The following LRRC4C variants were observed in gnomAD, a reference collection of about 807,000 sequenced individuals.
LRRC4C encodes the protein leucine-rich repeat-containing protein 4C.
A neutral mutation model predicts 33.6 loss-of-function variants in LRRC4C; 5 were observed. The ratio of observed to expected loss-of-function variants is 0.15; its 90% CI spans 0.08 to 0.31. The LOEUF (loss-of-function observed/expected upper bound fraction) is 0.31. LRRC4C is among the 10% of genes least tolerant of loss of function. The pLI, the probability that LRRC4C is intolerant of heterozygous loss-of-function variation, is 1.00. For synonymous variants in LRRC4C, 329 were observed against 302.0 expected (o/e 1.09, Z -0.93); for missense variants, 560 against 796.7 (o/e 0.70, Z 3.58).
At chr11:41,381,951 A>G (rs1953173944) in intron 1 of LRRC4C, among the ~76,000 whole-genome samples, 1 of 151,290 alleles carries the variant, frequency 6.6e-6, no homozygotes, top group Admixed American at 6.6e-5. Flanking sequence ...TATAATCTAT[A>G]TATATGCATA....
In LRRC4C at chr11:40,663,614, A is replaced by C. The variant is rs376826872; in HGVS notation, c.-406-15336T>G. On this transcript the variant is annotated intron_variant, in intron 2 of 6. Transcript: ENST00000528697. ...CAGGTGTGAGAAATAAAAATAATTT[A>C]GCCAGTGGGGTGAGCCAAACAGAAA... is the stretch of plus-strand genomic sequence containing the variant. 1.1e-4 allele frequency among the ~76,000 whole-genome samples: 16 copies of C among 152,328 alleles called. No homozygotes were observed. In the East Asian group the frequency reaches 1.9e-3, roughly 18 times the overall value.
intron 3 of LRRC4C, among the ~76,000 whole-genome samples, chr11:40,332,103 G>A (rs187456331): frequency 1.3e-5 from 2 of 152,304 alleles, no homozygotes; most frequent in East Asian, 1.9e-4. Context: ...CACTTTAGCA[G>A]TATATTAGTT....
At chr11:40,667,842 T>C (rs746284287) in intron 2 of LRRC4C, among the ~76,000 whole-genome samples, 10 of 152,202 alleles carry the variant, frequency 6.6e-5, no homozygotes, top group African/African-American at 1.9e-4. Context: ...GGTATCTCTG[T>C]GCAGAGGGAC....
At chr11:40,235,596 C>T (rs149755860) in intron 5 of LRRC4C, among the ~76,000 whole-genome samples, 31 of 152,198 alleles carry the variant, frequency 2.0e-4, no homozygotes, top group Admixed American at 1.0e-3. Flanking sequence ...AGGCATATTC[C>T]AGTTATAAAT....
At chr11:40,451,622 T>C (rs1323914062) in intron 3 of LRRC4C, among the ~76,000 whole-genome samples, 6 of 151,874 alleles carry the variant, frequency 4.0e-5, no homozygotes, top group African/African-American at 1.5e-4. Flanking sequence ...CCTGACCTCA[T>C]GGTCCACCCG....
intron 1 of LRRC4C, among the ~76,000 whole-genome samples, chr11:41,184,714 C>T (rs559023639): frequency 4.0e-4 from 61 of 150,974 alleles, no homozygotes; most frequent in African/African-American, 1.3e-3. Context: ...TCCACATTTT[C>T]GGGTATCTTT....
intron 1 of LRRC4C, among the ~76,000 whole-genome samples, chr11:41,195,753 A>C (rs1946152037): frequency 6.6e-6 from 1 of 152,124 alleles, no homozygotes; most frequent in African/African-American, 2.4e-5. Context: ...TGAAAGTGTA[A>C]AAGGAGCAAG....
At chr11:41,282,607 G>A (rs1949709074) in intron 1 of LRRC4C, among the ~76,000 whole-genome samples, 1 of 152,158 alleles carries the variant, frequency 6.6e-6, no homozygotes, top group Admixed American at 6.5e-5. Flanking sequence ...ACTTTGGGAT[G>A]TCTGCCCGGG....
rs767576838 is a variant in LRRC4C at position 40,115,481 on chromosome 11, T to C, written c.812A>G (p.Glu271Gly). 1.9e-6 allele frequency: 3 copies of C among 1,614,056 alleles called. No homozygotes were observed. The highest frequency in any genetic ancestry group is 2.7e-5 in the African/African-American group (2 of 74,924). Residue 271 changes from glutamate (E) to glycine (G), a missense_variant, in exon 7 of 7, where the codon GAG becomes GGG. By Grantham distance (98) the Glu-to-Gly change is moderately conservative. This residue lies in a region of LRRC4C where 455 missense variants were observed against 643.8 expected (regional missense o/e 0.71). Coordinates refer to ENST00000528697, the MANE Select transcript of LRRC4C (RefSeq NM_001258419.2). This position sits in a 1 kb window ranked among gnomAD's most constrained non-coding sequence, Gnocchi z 6.7. ...NAFDNLQSLV[E>G]INLAHNNLTL... ...TAGATTATTGTGTGCCAGGTTGATC[T>C]CCACTAGTGACTGAAGGTTGTCAAA...
At chr11:40,285,382 G>A (rs191769529) in intron 4 of LRRC4C, among the ~76,000 whole-genome samples, 1 of 152,172 alleles carries the variant, frequency 6.6e-6, no homozygotes, top group Non-Finnish European at 1.5e-5. Context: ...TGATGGGATC[G>A]TATTACAGAG....
chr11:40,690,331 T>A (rs1945167745), intron 2 of LRRC4C, among the ~76,000 whole-genome samples: 1 of 152,226 alleles, frequency 6.6e-6, no homozygotes, highest in East Asian at 1.9e-4. Context: ...CAAACGTTAT[T>A]TAACTAAGTG....
At chr11:41,294,680 T>A (rs964843969) in intron 1 of LRRC4C, among the ~76,000 whole-genome samples, 1 of 152,210 alleles carries the variant, frequency 6.6e-6, no homozygotes, top group South Asian at 2.1e-4. Context: ...TATATTCCAA[T>A]GGAACTCACT....
intron 3 of LRRC4C, among the ~76,000 whole-genome samples, chr11:40,504,067 G>T (rs1480286340): frequency 6.6e-6 from 1 of 151,900 alleles, no homozygotes; most frequent in African/African-American, 2.4e-5. Flanking sequence ...CCATTTACAT[G>T]GTGAAAAGAG....
Position 40,323,577 on chromosome 11 carries a change from A to G in LRRC4C, c.-269-3856T>C, listed in dbSNP as rs549099051. ...AATGTTGGCCCTATCCACTAAAGTT[A>G]TAAAATGCAGCTAGCAAGTGAACAT... On this transcript the variant is annotated intron_variant, in intron 3 of 6. Transcript: ENST00000528697. 5.3e-5 allele frequency among the ~76,000 whole-genome samples: 8 copies of G among 152,362 alleles called. No homozygotes were observed. In the South Asian group the frequency reaches 1.7e-3, roughly 32 times the overall value.
chr11:40,378,358 T>C (rs1223084732), intron 3 of LRRC4C, among the ~76,000 whole-genome samples: 1 of 152,000 alleles, frequency 6.6e-6, no homozygotes, highest in Non-Finnish European at 1.5e-5. Flanking sequence ...ATAATCATAA[T>C]TGAAGTACCT....
chr11:40,838,964 T>C (rs905251503), intron 2 of LRRC4C, among the ~76,000 whole-genome samples: 1 of 152,116 alleles, frequency 6.6e-6, no homozygotes, highest in Non-Finnish European at 1.5e-5. Flanking sequence ...TGATAATGAA[T>C]TGTAATAGGA....
At chr11:41,247,020 C>A (rs1446669952) in intron 1 of LRRC4C, among the ~76,000 whole-genome samples, 1 of 152,226 alleles carries the variant, frequency 6.6e-6, no homozygotes, top group East Asian at 1.9e-4. Flanking sequence ...AGGTAGGTCA[C>A]CCCTTCTTAC....
intron 2 of LRRC4C, among the ~76,000 whole-genome samples, chr11:40,773,096 G>C (rs1472157116): frequency 6.6e-6 from 1 of 152,090 alleles, no homozygotes; most frequent in Admixed American, 6.5e-5. Flanking sequence ...AAATAAGCCA[G>C]GCACAGAAAG....
chr11:41,417,159 G>A (rs915554362), intron 1 of LRRC4C, among the ~76,000 whole-genome samples: 2 of 152,028 alleles, frequency 1.3e-5, no homozygotes, highest in African/African-American at 4.8e-5. Flanking sequence ...ACTATTGACT[G>A]TTACTGCGAT....
Sources: allele counts gnomAD v4.1 joint callset (sites outside exome capture counted in the v4.1 genomes callset), GRCh38; gene constraint gnomAD v4.1.1; regional missense constraint gnomAD v4.1.1; non-coding constraint Gnocchi (gnomAD v3.1); transcripts MANE v1.5; gene names NCBI Gene and HGNC (gene_info 2026-07-23, HGNC 2026-07-21).